AMMECR1: variants seen among roughly 807,000 people sequenced by gnomAD.
AMMECR1 encodes nuclear protein AMMECR1.
In AMMECR1, 3 loss-of-function variants were observed where a neutral mutation model predicts 22.5. The ratio of observed to expected loss-of-function variants is 0.13; its 90% CI spans 0.06 to 0.35. The LOEUF is 0.35. Ranked by LOEUF, AMMECR1 falls within the 10% of genes least tolerant of loss-of-function variation. AMMECR1 has a pLI of 1.00. For synonymous variants in AMMECR1, 130 were observed against 116.7 expected, an observed-to-expected ratio of 1.11 and a Z score of -0.74; for missense variants, 235 against 278.7, an observed-to-expected ratio of 0.84 and a Z score of 1.12.
At chrX:110,402,735 G>A (rs1390785034) in intron 2 of AMMECR1, among the ~76,000 whole-genome samples, 1 of 112,519 alleles carries the variant, frequency 8.9e-6, no homozygotes, top group Non-Finnish European at 1.9e-5. Context: ...CATGCTTTTG[G>A]AGGGAGGTCT....
At chrX:110,380,364 AAATACCTAAG>A (rs1161700346) in intron 2 of AMMECR1, among the ~76,000 whole-genome samples, 2 of 111,898 alleles carry the variant, frequency 1.8e-5, no homozygotes, top group Non-Finnish European at 3.8e-5. Context: ...AAAAAAAATT[AAATACCTAAG>A]AATACATCTA....
intron 1 of AMMECR1, among the ~76,000 whole-genome samples, chrX:110,267,984 G>A (rs1602844227): frequency 8.9e-6 from 1 of 112,218 alleles, no homozygotes; most frequent in Non-Finnish European, 1.9e-5. Flanking sequence ...AGGACAAGCT[G>A]CATTTTACAA....
At chrX:110,269,531 G>T (rs187339591) in intron 1 of AMMECR1, among the ~76,000 whole-genome samples, 2 of 108,278 alleles carry the variant, frequency 1.8e-5, no homozygotes, top group Admixed American at 2.0e-4. Flanking sequence ...TTATATTGGG[G>T]GGGGGGATAC....
intron 2 of AMMECR1, among the ~76,000 whole-genome samples, chrX:110,339,641 C>T (rs1416001065): frequency 9.1e-6 from 1 of 110,082 alleles, no homozygotes; most frequent in African/African-American, 3.3e-5. Context: ...GGATTGCAGG[C>T]ATGCGCCACC....
chrX:110,263,990 A>T (rs191600025), intron 2 of AMMECR1, among the ~76,000 whole-genome samples: 1 of 112,128 alleles, frequency 8.9e-6, no homozygotes, highest in Admixed American at 9.5e-5. Flanking sequence ...GCTACAATTA[A>T]TTCTGGGTGA....
chrX:110,346,926 G>T (rs1374829000), intron 2 of AMMECR1: 4 of 547,893 alleles, frequency 7.3e-6, no homozygotes, highest in Non-Finnish European at 1.3e-5. Flanking sequence ...CGCGGGGGCC[G>T]GGCCGATTCG....
intron 1 of AMMECR1, among the ~76,000 whole-genome samples, chrX:110,276,321 T>C (rs1412994649): frequency 8.9e-6 from 1 of 112,037 alleles, no homozygotes; most frequent in Non-Finnish European, 1.9e-5. Context: ...TTTAAAGTCC[T>C]TGTCTGCTAA....
At chrX:110,377,586 A>G (rs185114478) in intron 2 of AMMECR1, among the ~76,000 whole-genome samples, 2 of 112,046 alleles carry the variant, frequency 1.8e-5, no homozygotes, top group Admixed American at 1.9e-4. Flanking sequence ...GTATTTTCTT[A>G]CTCAGGACTG....
chrX:110,335,692 A>C (rs374077519), intron 2 of AMMECR1, among the ~76,000 whole-genome samples: 1 of 111,834 alleles, frequency 8.9e-6, no homozygotes, highest in East Asian at 2.8e-4. Context: ...ACATCACCCA[A>C]ATTCAGCTTT....
chrX:110,222,635 A>G (rs1227198480), intron 2 of AMMECR1, among the ~76,000 whole-genome samples: 2 of 109,885 alleles, frequency 1.8e-5, no homozygotes, highest in Non-Finnish European at 3.8e-5. Flanking sequence ...AAAAAAAAAG[A>G]AAGAAAAAGG....
At chrX:110,361,352 T>C (rs748072977) in intron 2 of AMMECR1, among the ~76,000 whole-genome samples, 3 of 112,004 alleles carry the variant, frequency 2.7e-5, no homozygotes, top group Non-Finnish European at 5.6e-5. Context: ...CACAATGATC[T>C]GCTTCCTGGA....
chrX:110,350,625 G>C (rs1036753982), intron 2 of AMMECR1, among the ~76,000 whole-genome samples: 3 of 111,640 alleles, frequency 2.7e-5, no homozygotes, highest in African/African-American at 9.8e-5. Context: ...ACAAAAATCA[G>C]TTGTGCTTCT....
At chrX:110,281,705 G>C (rs1050379793) in intron 1 of AMMECR1, among the ~76,000 whole-genome samples, 3 of 111,964 alleles carry the variant, frequency 2.7e-5, no homozygotes, top group African/African-American at 9.7e-5. Context: ...TCCTTTCCTG[G>C]GCCATCTTCT....
chrX:110,283,557 AAAC>A lies in AMMECR1; in HGVS notation c.474-18961_474-18959del, dbSNP rs749097705. Among the ~76,000 whole-genome samples the A allele has an allele frequency of 8.9e-3, 993 of 112,050 alleles. 6 individuals are homozygous for A. Among genetic ancestry groups the A allele is most frequent in the Non-Finnish European group, 0.015 (820 of 53,183 alleles). On this transcript the variant is annotated intron_variant, in intron 1 of 5. Transcript: ENST00000262844. ...TGTCTGATGCGGGCCCATTCCTCAT[AAAC>A]AACAACATCTTGCTGTGTCTCACAC...
intron 2 of AMMECR1, among the ~76,000 whole-genome samples, chrX:110,374,097 A>G (rs2148265851): frequency 8.9e-6 from 1 of 112,384 alleles, no homozygotes; most frequent in East Asian, 2.8e-4. Context: ...ATATTCAAAG[A>G]GAAATAGCTG....
intron 2 of AMMECR1, among the ~76,000 whole-genome samples, chrX:110,238,759 C>A (rs368838801): frequency 8.9e-6 from 1 of 112,319 alleles, no homozygotes; most frequent in Non-Finnish European, 1.9e-5. Flanking sequence ...CTGGGAGACA[C>A]CTCCCAGCAG....
chrX:110,327,332 A>T (rs1000341791), intron 2 of AMMECR1, among the ~76,000 whole-genome samples: 2 of 112,229 alleles, frequency 1.8e-5, no homozygotes, highest in Non-Finnish European at 3.8e-5. Context: ...ACTAAACAAG[A>T]GTAGCAACTG....
rs1467000307 is a variant in AMMECR1 at position 110,326,726 on chromosome X, C to A, written c.-147-8877G>T. Among the ~76,000 whole-genome samples the A allele has an allele frequency of 2.7e-5, 3 of 111,876 alleles. No individual in the cohort carries two copies. The East Asian group carries it at 8.4e-4, about 31-fold the overall frequency. ...AATAATTTGGCTTTTATTCAAAGAG[C>A]AATGGAAAGACACTGGACGGTTTAG... On this transcript the variant is annotated intron_variant, in intron 2 of 7. Transcript: ENST00000372057.
At chrX:110,331,830 C>G (rs1486102340) in intron 2 of AMMECR1, among the ~76,000 whole-genome samples, 1 of 111,771 alleles carries the variant, frequency 8.9e-6, no homozygotes, top group Non-Finnish European at 1.9e-5. Context: ...ACTTTGTACT[C>G]TGGTCAGATT....
Sources: gnomAD v4.1 joint callset for allele counts (sites outside exome capture counted in the v4.1 genomes callset) on GRCh38, gnomAD v4.1.1 for gene constraint, MANE v1.5 for transcripts, NCBI Gene and HGNC (gene_info 2026-07-23, HGNC 2026-07-21) for gene names.